Variants in NFRKB observed in about 807,000 individuals in gnomAD.
The protein encoded by NFRKB is nuclear factor related to kappaB binding protein.
In NFRKB, 62 loss-of-function variants were observed where a neutral mutation model predicts 135.7. That is an observed-to-expected ratio of 0.46 (90% confidence interval 0.37 to 0.56). The LOEUF is 0.56. NFRKB is among the 20% of genes least tolerant of loss of function. The pLI is 0.00. For synonymous variants in NFRKB, 678 were observed against 635.6 expected (o/e 1.07, Z -1.00); for missense variants, 1,545 against 1,662.0 (o/e 0.93, Z 1.22).
rs1591465287 is a variant in NFRKB, at chr11:129,865,061, G to A, written c.3679C>T (p.Pro1227Ser). The change falls in exon 26 of 27, where the codon CCA becomes TCA. Residue 1227 changes from proline to serine, a missense_variant. This residue lies in a region of NFRKB where 753 missense variants were observed against 804.3 expected (regional missense o/e 0.94). Coordinates refer to ENST00000682444, the MANE Select transcript of NFRKB (RefSeq NM_001143835.2). The stretch of plus-strand genomic sequence containing the variant: ...CCAGCAATGAGCTTAGTGCCTGCTG[G>A]CATAGTTGTGAGGATGATGTTGCGG... ...LGRNIILTTM[P>S]AGTKLIAGNK... 6.2e-7 allele frequency: 1 copy of A among 1,612,244 alleles called. No individual in the cohort carries two copies. Among genetic ancestry groups the A allele is most frequent in the East Asian group, 2.2e-5 (1 of 44,868 alleles).
chr11:129,885,732 CAAAG>C, intron 5 of NFRKB, 123 bp from the exon 6 acceptor site: 1 of 855,180 alleles, frequency 1.2e-6, no homozygotes, highest in African/African-American at 1.7e-5. Context: ...CTCCAGATCA[CAAAG>C]AAAGATGCAC....
At chr11:129,875,036 C>T in intron 18 of NFRKB, 120 bp from the exon 19 acceptor site, 1 of 1,290,206 alleles carries the variant, frequency 7.8e-7, no homozygotes. Context: ...TCTATCTCAG[C>T]CTAGCTGCGT....
rs772293962 is a variant in NFRKB at position 129,881,490 on chromosome 11, G to A, written c.1337C>T (p.Ser446Phe). The A allele has an allele frequency of 3.1e-6, 5 of 1,614,098 alleles. No homozygotes were observed. Among genetic ancestry groups the A allele is most frequent in the Admixed American group, 3.3e-5 (2 of 60,008 alleles). The change falls in exon 13 of 27, where the codon TCT becomes TTT. Residue 446 changes from serine (S) to phenylalanine (F), a missense_variant. Ser to Phe is a radical substitution (Grantham distance 155). Transcript: ENST00000682444. Reference sequence around the variant, plus strand: ...TTTCTCTTTGAATTCAACAAATGGAGAGAAACTGGAAGGAACAGCTGCAAG... The same window carrying A: ...TTTCTCTTTGAATTCAACAAATGGAAAGAAACTGGAAGGAACAGCTGCAAG... ...GESRAVPSSFSPFVEFKEKTQ... is the reference protein window; with the variant it reads ...GESRAVPSSFFPFVEFKEKTQ...
intron 13 of NFRKB, among the ~76,000 whole-genome samples, chr11:129,878,888 T>C (rs1948898343): frequency 6.6e-6 from 1 of 152,194 alleles, no homozygotes. Flanking sequence ...ATTCAAAAAG[T>C]GGTAAGCATC....
At chr11:129,873,639 T>G (rs774813144) in intron 22 of NFRKB, 106 bp downstream of exon 22, 1 of 1,448,640 alleles carries the variant, frequency 6.9e-7, no homozygotes, top group Non-Finnish European at 9.4e-7. Flanking sequence ...CCAGTAGCAA[T>G]AATCTATGGC....
rs1352793654 is a variant in NFRKB, at chr11:129,874,976, G to C, written c.1855-60C>G. The C allele has an allele frequency of 6.3e-7, 1 of 1,597,000 alleles. No individual in the cohort carries two copies. The highest frequency in any genetic ancestry group is 8.6e-7 in the Non-Finnish European group (1 of 1,167,516). ...CAAGCTTAGATAACAGAAGTTATTTGAACTCTAGGAAAAAAATGTCATTGT... is the reference window on the plus strand; with the variant it reads ...CAAGCTTAGATAACAGAAGTTATTTCAACTCTAGGAAAAAAATGTCATTGT... On this transcript the variant is annotated intron_variant, in intron 18 of 26. Transcript: ENST00000682444. This position sits in a 1 kb window ranked among gnomAD's most constrained non-coding sequence, Gnocchi z 4.5.
At position 129,884,156 on chromosome 11, in the gene NFRKB, A is replaced by C. The variant is rs751377566; in HGVS notation, c.743-13T>G. On this transcript the variant is annotated splice_polypyrimidine_tract_variant and intron_variant, in intron 7 of 26. Coordinates refer to ENST00000682444, the MANE Select transcript of NFRKB (RefSeq NM_001143835.2). Reference sequence around the variant, plus strand: ...AGTTCTACTTTATCTGAGAAAACAAACCAAACCATATTCACTATCATGATT... The same window carrying C: ...AGTTCTACTTTATCTGAGAAAACAACCCAAACCATATTCACTATCATGATT... 6.2e-7 allele frequency: 1 copy of C among 1,612,426 alleles called. No homozygotes were observed. Among genetic ancestry groups the C allele is most frequent in the South Asian group, 1.1e-5 (1 of 91,018 alleles).
At position 129,874,960 on chromosome 11, in the gene NFRKB, A is replaced by G. The variant is rs375398695; in HGVS notation, c.1855-44T>C. On this transcript the variant is annotated intron_variant, in intron 18 of 26. Coordinates refer to ENST00000682444, the MANE Select transcript of NFRKB (RefSeq NM_001143835.2). The surrounding 1 kb of genome is among the most constrained non-coding windows in gnomAD (Gnocchi z 4.5). ...GAAATAAGAAACAAGTCAAGCTTAG[A>G]TAACAGAAGTTATTTGAACTCTAGG... The G allele has an allele frequency of 9.9e-6, 16 of 1,610,460 alleles. No individual in the cohort carries two copies. Among genetic ancestry groups the G allele is most frequent in the Admixed American group, 6.7e-5 (4 of 59,876 alleles).
intron 23 of NFRKB, chr11:129,872,622 G>C (rs1251459913): frequency 1.5e-5 from 5 of 324,256 alleles, no homozygotes; most frequent in Non-Finnish European, 2.3e-5. Context: ...ATAAACTCAT[G>C]AACAGTCTAT....
chr11:129,885,088 C>T (rs970289146), intron 6 of NFRKB, among the ~76,000 whole-genome samples: 1 of 152,158 alleles, frequency 6.6e-6, no homozygotes, highest in Non-Finnish European at 1.5e-5. Flanking sequence ...AGAGCCACTA[C>T]TACTCTCCTG....
At chr11:129,882,225 A>G (rs1162566810) in intron 10 of NFRKB, 31 bp from the exon 11 acceptor site, 3 of 1,566,030 alleles carry the variant, frequency 1.9e-6, no homozygotes, top group Non-Finnish European at 2.6e-6. Context: ...TAAGAACCAA[A>G]AAGACCAAGA....
chr11:129,876,928 C>T (rs747130312), intron 16 of NFRKB, 33 bp from the exon 17 acceptor site: 2 of 1,598,810 alleles, frequency 1.3e-6, no homozygotes, highest in East Asian at 4.5e-5. Flanking sequence ...AGTTCTAGGT[C>T]AGAATTAGTG....
chr11:129,893,243 G>GT (rs1949636206), intron 2 of NFRKB: 2 of 548,016 alleles, frequency 3.6e-6, no homozygotes, highest in South Asian at 1.6e-5. Context: ...TGTAACAACT[G>GT]TTTTTTAGCA....
At position 129,873,082 on chromosome 11, in the gene NFRKB, A is replaced by G. The variant is rs770717933; in HGVS notation, c.2565T>C (p.Thr855=). 7.5e-6 allele frequency: 12 copies of G among 1,607,968 alleles called. No homozygotes were observed. The African/African-American group carries it at 1.6e-4, about 22-fold the overall frequency. ...TKVVPQTVMA[T]VPVKAQTTAA... is the part of the protein sequence containing the mutation. Reference sequence around the variant, plus strand: ...CCGTAGTCTGCGCTTTGACGGGCACAGTGGCCATTACTGTCTAGTTGAGGG... The same window carrying G: ...CCGTAGTCTGCGCTTTGACGGGCACGGTGGCCATTACTGTCTAGTTGAGGG... Residue 855 remains threonine (T), a synonymous_variant, in exon 23 of 27, where the codon ACT becomes ACC. Transcript: ENST00000682444.
intron 1 of NFRKB, among the ~76,000 whole-genome samples, chr11:129,895,047 C>G (rs1453141020): frequency 6.6e-6 from 1 of 152,172 alleles, no homozygotes; most frequent in Admixed American, 6.5e-5. Flanking sequence ...GGAGTTGGAC[C>G]CCGGAAGCCA....
At chr11:129,868,162 A>G (rs1948299917) in intron 24 of NFRKB, among the ~76,000 whole-genome samples, 1 of 152,220 alleles carries the variant, frequency 6.6e-6, no homozygotes. Flanking sequence ...ATAAGGTTAA[A>G]AGATGACAGA....
chr11:129,877,080 T>C (rs981223595), intron 16 of NFRKB, among the ~76,000 whole-genome samples, 185 bp from the exon 17 acceptor site: 1 of 152,196 alleles, frequency 6.6e-6, no homozygotes, highest in African/African-American at 2.4e-5. Flanking sequence ...AGCCAGTCAC[T>C]GAGCAGAGGG....
In NFRKB at chr11:129,870,270, G is replaced by A; in HGVS notation, c.2764-9C>T. 1 of 1,610,098 alleles carries A rather than the reference G, an allele frequency of 6.2e-7. No homozygotes were observed. The highest frequency in any genetic ancestry group is 8.5e-7 in the Non-Finnish European group (1 of 1,176,974). The stretch of plus-strand genomic sequence containing the variant: ...TGCCCAGTGATTGCCACCTGAATGG[G>A]GAGAAGCAGCACTGATGAGGGATTC... On this transcript the variant is annotated splice_polypyrimidine_tract_variant and intron_variant, in intron 23 of 26. Coordinates refer to ENST00000682444, the MANE Select transcript of NFRKB (RefSeq NM_001143835.2).
At chr11:129,877,431 T>A (rs1217582452) in intron 15 of NFRKB, 46 bp from the exon 16 acceptor site, 11 of 1,568,220 alleles carry the variant, frequency 7.0e-6, no homozygotes, top group Non-Finnish European at 8.8e-6. Flanking sequence ...CTGGCACGTG[T>A]GTCAGACCCA....
Sources: allele counts gnomAD v4.1 joint callset (sites outside exome capture counted in the v4.1 genomes callset), GRCh38; gene constraint gnomAD v4.1.1; regional missense constraint gnomAD v4.1.1; non-coding constraint Gnocchi (gnomAD v3.1); transcripts MANE v1.5; gene names NCBI Gene and HGNC (gene_info 2026-07-23, HGNC 2026-07-21).